Variants in PDE3B observed in about 807,000 individuals in gnomAD.
PDE3B encodes phosphodiesterase 3B, also known as cGMP-inhibited 3',5'-cyclic phosphodiesterase 3B.
PDE3B carries 66 observed loss-of-function variants against 116.8 expected under a neutral mutation model. The observed-to-expected ratio is 0.56, with a 90% CI of 0.46 to 0.69. PDE3B has a LOEUF of 0.69. Ranked by LOEUF, PDE3B falls within the 30% of genes least tolerant of loss-of-function variation. The pLI, the probability that PDE3B is intolerant of heterozygous loss-of-function variation, is 0.00. For missense variants in PDE3B, 1,384 were observed against 1,368.1 expected (o/e 1.01, Z -0.18); for synonymous variants, 595 against 533.6 (o/e 1.12, Z -1.59).
chr11:14,810,134 A>G (rs925137802), intron 5 of PDE3B, among the ~76,000 whole-genome samples: 1 of 152,152 alleles, frequency 6.6e-6, no homozygotes, highest in African/African-American at 2.4e-5. Context: ...TTTTCTAATA[A>G]TAAAACCATT....
intron 3 of PDE3B, 82 bp from the exon 4 acceptor site, chr11:14,789,024 T>C (rs1380048303): frequency 8.6e-6 from 8 of 928,092 alleles, no homozygotes; most frequent in Admixed American, 5.3e-5. Context: ...TTTGTATTGA[T>C]ACTTTCATGT....
intron 1 of PDE3B, among the ~76,000 whole-genome samples, chr11:14,703,099 T>C (rs1353268569): frequency 2.6e-5 from 4 of 151,856 alleles, no homozygotes; most frequent in African/African-American, 9.7e-5. Context: ...GGGAAGATAG[T>C]CTTTTATAAG....
intron 1 of PDE3B, among the ~76,000 whole-genome samples, chr11:14,735,593 G>A (rs1856574185): frequency 1.3e-5 from 2 of 152,136 alleles, no homozygotes; most frequent in African/African-American, 2.4e-5. Flanking sequence ...TGCCAGCCAC[G>A]AATGGCTGTT....
rs770873790 is a variant in PDE3B at position 14,644,278 on chromosome 11, A to T, written c.203A>T (p.Gln68Leu). Residue 68 changes from glutamine to leucine, a missense_variant, in exon 1 of 16, where the codon CAG becomes CTG. Transcript: ENST00000282096. The stretch of plus-strand genomic sequence containing the variant: ...CGGCCGCCGCCGGCCTCTCCCCAGC[A>T]GCCGCGGCGCTGCTCCCCCTTCTGC... ...ELRPPPASPQQPRRCSPFCRA... is the reference protein window; with the variant it reads ...ELRPPPASPQLPRRCSPFCRA... 1 of 1,565,694 alleles carries T rather than the reference A, an allele frequency of 6.4e-7. No homozygotes were observed. Among genetic ancestry groups the T allele is most frequent in the Non-Finnish European group, 8.6e-7 (1 of 1,162,758 alleles).
chr11:14,839,223 A>G (rs1042142344), intron 11 of PDE3B, among the ~76,000 whole-genome samples: 3 of 152,230 alleles, frequency 2.0e-5, no homozygotes, highest in Non-Finnish European at 2.9e-5. Context: ...ATATTCAGCA[A>G]CTGTCAGAAT....
At chr11:14,739,178 A>C (rs1451946172) in intron 1 of PDE3B, among the ~76,000 whole-genome samples, 1 of 152,218 alleles carries the variant, frequency 6.6e-6, no homozygotes, top group Non-Finnish European at 1.5e-5. Flanking sequence ...CACTGAATCT[A>C]TAAATTACCT....
chr11:14,785,560 A>G (rs1858162690), intron 2 of PDE3B, among the ~76,000 whole-genome samples: 2 of 152,118 alleles, frequency 1.3e-5, no homozygotes, highest in Admixed American at 1.3e-4. Context: ...CAACAACAAC[A>G]ACAAAAAACA....
chr11:14,673,730 G>A, intron 1 of PDE3B: 1 of 763,974 alleles, frequency 1.3e-6, no homozygotes, highest in Admixed American at 1.7e-5. Context: ...GAGGTGTATA[G>A]GCCAACATTG....
At chr11:14,768,969 C>G (rs554628345) in intron 1 of PDE3B, among the ~76,000 whole-genome samples, 1 of 151,456 alleles carries the variant, frequency 6.6e-6, no homozygotes, top group African/African-American at 2.4e-5. Context: ...GCTCAAATTA[C>G]GCAGAAGGCA....
intron 1 of PDE3B, among the ~76,000 whole-genome samples, chr11:14,763,289 G>A (rs542006732): frequency 1.3e-5 from 2 of 152,052 alleles, no homozygotes; most frequent in South Asian, 2.1e-4. Flanking sequence ...TCAGAAGTAT[G>A]AAGAGTGAGA....
At chr11:14,732,737 C>A (rs936719614) in intron 1 of PDE3B, among the ~76,000 whole-genome samples, 1 of 152,120 alleles carries the variant, frequency 6.6e-6, no homozygotes, top group Non-Finnish European at 1.5e-5. Context: ...CCCTGCAGAA[C>A]CCACGTATAC....
At chr11:14,773,380 T>G (rs888253011) in intron 2 of PDE3B, 10 of 152,174 alleles carry the variant, frequency 6.6e-5, no homozygotes, top group African/African-American at 2.4e-4. Flanking sequence ...TTAGAAATTT[T>G]GAATTTGTGT....
At chr11:14,659,828 C>A (rs1359207199) in intron 1 of PDE3B, among the ~76,000 whole-genome samples, 1 of 152,164 alleles carries the variant, frequency 6.6e-6, no homozygotes, top group Non-Finnish European at 1.5e-5. Flanking sequence ...TTTCTGCTTA[C>A]CCTGAATAGA....
intron 1 of PDE3B, among the ~76,000 whole-genome samples, chr11:14,722,188 A>G (rs1590089590): frequency 1.3e-5 from 2 of 151,628 alleles, no homozygotes; most frequent in African/African-American, 4.8e-5. Context: ...AGGGAATAGC[A>G]TTAGGAGATA....
intron 1 of PDE3B, among the ~76,000 whole-genome samples, chr11:14,768,958 T>G (rs891281938): frequency 6.6e-6 from 1 of 151,524 alleles, no homozygotes; most frequent in Non-Finnish European, 1.5e-5. Flanking sequence ...ATGTGCTACT[T>G]GCTCAAATTA....
intron 12 of PDE3B, among the ~76,000 whole-genome samples, chr11:14,852,671 T>C (rs1388843940): frequency 6.6e-6 from 1 of 152,218 alleles, no homozygotes; most frequent in Non-Finnish European, 1.5e-5. Context: ...CATAGCCTCT[T>C]ACCTAGTCTC....
intron 12 of PDE3B, among the ~76,000 whole-genome samples, chr11:14,848,622 A>T (rs926705193): frequency 6.6e-6 from 1 of 152,232 alleles, no homozygotes; most frequent in Admixed American, 6.5e-5. Flanking sequence ...CCTTAAGCTG[A>T]TAAGCAACTT....
At chr11:14,772,790 CTG>C (rs1012848381) in intron 2 of PDE3B, 1 of 151,772 alleles carries the variant, frequency 6.6e-6, no homozygotes, top group Admixed American at 6.6e-5. Context: ...CAAGCAATAA[CTG>C]TGTTAACTTT....
chr11:14,753,508 T>C (rs747369586), intron 1 of PDE3B, among the ~76,000 whole-genome samples: 4 of 152,126 alleles, frequency 2.6e-5, no homozygotes, highest in Non-Finnish European at 4.4e-5. Context: ...AATTCTGATT[T>C]CTCCATGCTG....
Sources: allele counts gnomAD v4.1 joint callset (sites outside exome capture counted in the v4.1 genomes callset), GRCh38; gene constraint gnomAD v4.1.1; transcripts MANE v1.5; gene names NCBI Gene and HGNC (gene_info 2026-07-23, HGNC 2026-07-21).